CCDC69: variants seen among roughly 807,000 people sequenced by gnomAD.
CCDC69 encodes coiled-coil domain-containing protein 69.
A neutral mutation model predicts 40.3 loss-of-function variants in CCDC69; 38 were observed. The ratio of observed to expected loss-of-function variants is 0.94; its 90% CI spans 0.73 to 1.24. The LOEUF (loss-of-function observed/expected upper bound fraction) is 1.24. CCDC69 is among the 50% of genes most tolerant of loss of function. The probability of loss-of-function intolerance (pLI) is 0.00; values close to 1 mark genes in which losing one functional copy is unlikely to be tolerated. For synonymous variants in CCDC69, 141 were observed against 138.9 expected (o/e 1.02, Z -0.11); for missense variants, 389 against 357.9 (o/e 1.09, Z -0.70).
chr5:151,203,141 G>C (rs1057192278), intron 2 of CCDC69, among the ~76,000 whole-genome samples: 4 of 152,096 alleles, frequency 2.6e-5, no homozygotes, highest in Non-Finnish European at 5.9e-5. Context: ...TAAGGGAGCA[G>C]GGATATGAAC....
At chr5:151,207,080 G>A (rs1385382986) in intron 1 of CCDC69, among the ~76,000 whole-genome samples, 1 of 151,922 alleles carries the variant, frequency 6.6e-6, no homozygotes, top group Non-Finnish European at 1.5e-5. Flanking sequence ...CACCACACCT[G>A]GCTAATTTTT....
intron 3 of CCDC69, among the ~76,000 whole-genome samples, 175 bp downstream of exon 3, chr5:151,201,407 A>C (rs1386507874): frequency 6.6e-6 from 1 of 152,198 alleles, no homozygotes; most frequent in Non-Finnish European, 1.5e-5. Flanking sequence ...CAATGTGCCC[A>C]GCACACAGTG....
At position 151,182,867 on chromosome 5, in the gene CCDC69, C is replaced by T; in HGVS notation, c.*570G>A. 1 of 358,930 alleles carries T rather than the reference C, an allele frequency of 2.8e-6. No individual in the cohort carries two copies. Among genetic ancestry groups the T allele is most frequent in the South Asian group, 2.1e-5 (1 of 48,644 alleles). The allele number at this position is 358,930 out of a possible 1,614,324, so 22.2% of individuals were successfully genotyped here. A position where few individuals can be genotyped will look rare whatever the true frequency, so the allele number is the denominator to read the frequency against. On this transcript the variant is annotated 3_prime_UTR_variant, in exon 9 of 9. Coordinates refer to ENST00000355417, the MANE Select transcript of CCDC69 (RefSeq NM_015621.3). ...CTCTCTACCACTCACCTTCCCCACT[C>T]TGATTTGCGGGGTTTGTCCACACTC...
chr5:151,224,054 G>A lies in CCDC69; in HGVS notation c.-84C>T. 8.0e-7 allele frequency: 1 copy of A among 1,246,188 alleles called. No homozygotes were observed. The highest frequency in any genetic ancestry group is 1.1e-6 in the Non-Finnish European group (1 of 919,304). 77.2% of individuals were successfully genotyped at this position (1,246,188 alleles called of 1,614,324 possible). A position where few individuals can be genotyped will look rare whatever the true frequency, so the allele number is the denominator to read the frequency against. On this transcript the variant is annotated 5_prime_UTR_variant, in exon 1 of 9. Transcript: ENST00000355417. ...CGATCCGGGCCCCGCTGCCCGCTCC[G>A]CGCCCGCCGGCTGGGGCTGCCGGCG...
intron 1 of CCDC69, chr5:151,212,018 G>T (rs1345195054): frequency 4.1e-5 from 5 of 121,010 alleles, no homozygotes; most frequent in Admixed American, 3.3e-4. Context: ...TGGTGGTGGT[G>T]GGGGGGGGAG....
chr5:151,196,448 C>A (rs114352036), intron 4 of CCDC69, among the ~76,000 whole-genome samples: 1,775 of 152,254 alleles, frequency 0.012, 37 homozygotes, highest in African/African-American at 0.041. Context: ...TGAGCCACTG[C>A]ACCCAGCCAC....
intron 1 of CCDC69, among the ~76,000 whole-genome samples, chr5:151,213,904 G>A (rs983367634): frequency 1.3e-5 from 2 of 152,218 alleles, no homozygotes; most frequent in African/African-American, 4.8e-5. Flanking sequence ...TGAGCATGTA[G>A]TTCTATCACA....
Position 151,187,424 on chromosome 5 carries a change from G to T in CCDC69, c.355C>A (p.Leu119Ile), listed in dbSNP as rs147336268. The change falls in exon 5 of 9, where the codon CTT (leucine) becomes ATT (isoleucine). Residue 119 changes from leucine to isoleucine, a missense_variant. Coordinates refer to ENST00000355417, the MANE Select transcript of CCDC69 (RefSeq NM_015621.3). ...RASYEQEKEALTHSFREASST... is the reference protein window; with the variant it reads ...RASYEQEKEAITHSFREASST... ...CTGGCCTCCCGGAAAGAGTGGGTAA[G>T]CGCTTCTTTCTCCTGTTCATATGAG... 1.6e-3 allele frequency: 2,613 copies of T among 1,614,080 alleles called. 4 individuals carry two copies. The highest frequency in any genetic ancestry group is 3.8e-3 in the Middle Eastern group (23 of 6,060).
intron 1 of CCDC69, among the ~76,000 whole-genome samples, chr5:151,220,186 T>A (rs1174995686): frequency 6.6e-6 from 1 of 152,226 alleles, no homozygotes; most frequent in East Asian, 1.9e-4. Context: ...TAGGCAGTGA[T>A]GTCCTTAAAG....
chr5:151,222,610 C>T (rs548796734), intron 1 of CCDC69, among the ~76,000 whole-genome samples: 1 of 152,292 alleles, frequency 6.6e-6, no homozygotes, highest in Admixed American at 6.5e-5. Context: ...TATGGCACCA[C>T]CAGGACTTAC....
At chr5:151,208,769 A>G (rs1458079325) in intron 1 of CCDC69, among the ~76,000 whole-genome samples, 3 of 152,242 alleles carry the variant, frequency 2.0e-5, no homozygotes, top group Non-Finnish European at 4.4e-5. Flanking sequence ...CAATGTTTTT[A>G]TGGGAGCCAG....
chr5:151,184,089 T>C (rs1245967770), intron 8 of CCDC69, among the ~76,000 whole-genome samples: 1 of 152,190 alleles, frequency 6.6e-6, no homozygotes, highest in Non-Finnish European at 1.5e-5. Context: ...CTCCTCCCTA[T>C]ATTGGGCTTT....
chr5:151,184,479 T>C, intron 7 of CCDC69, 38 bp from the exon 8 acceptor site: 1 of 1,377,030 alleles, frequency 7.3e-7, no homozygotes, highest in Non-Finnish European at 1.0e-6. Context: ...GCTGCCAAAC[T>C]CACGCTGCAC....
intron 3 of CCDC69, 53 bp from the exon 4 acceptor site, chr5:151,199,137 A>T (rs1752744311): frequency 2.1e-6 from 3 of 1,439,410 alleles, no homozygotes; most frequent in Non-Finnish European, 2.9e-6. Flanking sequence ...TCAGCACAGC[A>T]TCTCTTATCC....
At chr5:151,220,452 A>T (rs1582054086) in intron 1 of CCDC69, among the ~76,000 whole-genome samples, 1 of 152,150 alleles carries the variant, frequency 6.6e-6, no homozygotes, top group South Asian at 2.1e-4. Flanking sequence ...GGTGTGGTCG[A>T]CCCACAAATG....
intron 1 of CCDC69, among the ~76,000 whole-genome samples, chr5:151,211,647 C>CA (rs889304642): frequency 3.9e-5 from 6 of 151,974 alleles, no homozygotes; most frequent in Admixed American, 3.9e-4. Flanking sequence ...CCTCAGCCTC[C>CA]AGAGTAGCTG....
intron 4 of CCDC69, among the ~76,000 whole-genome samples, chr5:151,197,362 T>C (rs761470761): frequency 1.3e-5 from 2 of 151,942 alleles, no homozygotes; most frequent in Non-Finnish European, 2.9e-5. Context: ...ACCCCATCTC[T>C]ACAAAAAAAT....
At chr5:151,201,839 G>A (rs1208565065) in intron 2 of CCDC69, 151 bp from the exon 3 acceptor site, 2 of 525,852 alleles carry the variant, frequency 3.8e-6, no homozygotes, top group Admixed American at 3.6e-5. Context: ...CCAGTCTCCA[G>A]AGACAGCCCC....
At chr5:151,207,766 A>C (rs1360044860) in intron 1 of CCDC69, among the ~76,000 whole-genome samples, 1 of 152,028 alleles carries the variant, frequency 6.6e-6, no homozygotes, top group African/African-American at 2.4e-5. Flanking sequence ...GAGAGGTGAA[A>C]AGTTGGTTGA....
Sources: allele counts gnomAD v4.1 joint callset (sites outside exome capture counted in the v4.1 genomes callset), GRCh38; gene constraint gnomAD v4.1.1; transcripts MANE v1.5; gene names NCBI Gene and HGNC (gene_info 2026-07-23, HGNC 2026-07-21).